The following DNAH6 variants were observed in gnomAD, a reference collection of about 807,000 sequenced individuals.
DNAH6 encodes the protein dynein axonemal heavy chain 6, also known as axonemal beta dynein heavy chain 6.
In DNAH6, 340 loss-of-function variants were observed where a neutral mutation model predicts 491.4. The ratio of observed to expected loss-of-function variants is 0.69; its 90% CI spans 0.63 to 0.76. DNAH6 has a LOEUF of 0.76. Ranked by LOEUF, DNAH6 falls within the 30% of genes least tolerant of loss-of-function variation. The probability of loss-of-function intolerance (pLI) is 0.00; values close to 1 mark genes in which losing one functional copy is unlikely to be tolerated. For missense variants in DNAH6, 4,443 were observed against 4,972.2 expected, an observed-to-expected ratio of 0.89 and a Z score of 3.20; for synonymous variants, 1,603 against 1,686.1, an observed-to-expected ratio of 0.95 and a Z score of 1.21.
chr2:84,670,839 G>C (rs969950874), intron 39 of DNAH6, among the ~76,000 whole-genome samples: 5 of 152,206 alleles, frequency 3.3e-5, no homozygotes, highest in African/African-American at 4.8e-5. Flanking sequence ...GTATGAGACT[G>C]TTTTGGTTTT....
chr2:84,702,503 A>G (rs1696007600), intron 49 of DNAH6, among the ~76,000 whole-genome samples: 1 of 151,188 alleles, frequency 6.6e-6, no homozygotes, highest in African/African-American at 2.4e-5. Flanking sequence ...TTGTGAAATA[A>G]CTTGACTGAT....
intron 39 of DNAH6, among the ~76,000 whole-genome samples, chr2:84,671,900 G>C (rs568493205): frequency 1.3e-5 from 2 of 152,288 alleles, no homozygotes; most frequent in African/African-American, 4.8e-5. Flanking sequence ...ATCTAATCTG[G>C]TTTCCCTGTG....
In DNAH6 at chr2:84,761,789, TACACACACACACACAC is replaced by T. The variant is rs35707461; in HGVS notation, c.10513-948_10513-933del. On this transcript the variant is annotated intron_variant, in intron 63 of 76. Transcript: ENST00000389394. ...ACAGCATTACATACACACACACACA[TACACACACACACACAC>T]ACACACACACACACACAGAATAAGG... is the stretch of plus-strand genomic sequence containing the variant. Among the ~76,000 whole-genome samples, 3 of 141,784 alleles carry T rather than the reference TACACACACACACACAC, an allele frequency of 2.1e-5. No individual in the cohort carries two copies. In the East Asian group the frequency reaches 6.4e-4, roughly 30 times the overall value. 93.0% of individuals were successfully genotyped at this position (141,784 alleles called of 152,430 possible).
At position 84,796,370 on chromosome 2, in the gene DNAH6, G is replaced by T; in HGVS notation, c.11304G>T (p.Leu3768Phe). 1 of 1,524,064 alleles carries T rather than the reference G, an allele frequency of 6.6e-7. No individual in the cohort carries two copies. Among genetic ancestry groups the T allele is most frequent in the South Asian group, 1.3e-5 (1 of 79,816 alleles). 94.4% of individuals were successfully genotyped at this position (1,524,064 alleles called of 1,614,324 possible). A position where few individuals can be genotyped will look rare whatever the true frequency, so the allele number is the denominator to read the frequency against. ...SWDQRCLRTI[L>F]KRFFSPETLE... ...ACCAAAGATGCCTTCGTACTATCTT[G>T]AAAAGATTTTTTTCTCCTGAAACAT... The change falls in exon 69 of 77, where the codon TTG (leucine) becomes TTT (phenylalanine). Residue 3768 changes from leucine (L) to phenylalanine (F), a missense_variant. Coordinates refer to ENST00000389394, the MANE Select transcript of DNAH6 (RefSeq NM_001370.2).
chr2:84,798,415 G>T (rs1678542392), intron 70 of DNAH6, among the ~76,000 whole-genome samples: 1 of 152,178 alleles, frequency 6.6e-6, no homozygotes, highest in African/African-American at 2.4e-5. Context: ...GGACTGGCAG[G>T]CAGAGCAGCC....
chr2:84,815,272 C>T (rs1680374502), intron 75 of DNAH6, among the ~76,000 whole-genome samples: 1 of 152,156 alleles, frequency 6.6e-6, no homozygotes, highest in Non-Finnish European at 1.5e-5. Flanking sequence ...ACAGCTTAGT[C>T]CTCTGCCTGC....
chr2:84,599,634 C>T (rs1030512645), intron 18 of DNAH6, among the ~76,000 whole-genome samples: 1 of 152,140 alleles, frequency 6.6e-6, no homozygotes, highest in Non-Finnish European at 1.5e-5. Context: ...GCACTCTTCT[C>T]CATTGACTCA....
Position 84,733,525 on chromosome 2 carries a change from GTTTTTCACGGAC to G in DNAH6, c.10291_10302del (p.Phe3431_Leu3434del). ...CTGTGACTTGGAAGAATCATTTCCA[GTTTTTCACGGAC>G]TTACCCAAAATATATTGTCACATCC... On this transcript the variant is annotated inframe_deletion, in exon 62 of 77. Coordinates refer to ENST00000389394, the MANE Select transcript of DNAH6 (RefSeq NM_001370.2). 6.4e-7 allele frequency: 1 copy of G among 1,551,608 alleles called. No individual in the cohort carries two copies.
chr2:84,500,133 A>G, the DNAH6 span, among the ~76,000 whole-genome samples: 1 of 152,192 alleles, frequency 6.6e-6, no homozygotes, highest in African/African-American at 2.4e-5. Flanking sequence ...GATTTTCCCC[A>G]ATGCTTTCTC....
chr2:84,775,802 A>G (rs1409492123), intron 64 of DNAH6, among the ~76,000 whole-genome samples: 3 of 152,074 alleles, frequency 2.0e-5, no homozygotes, highest in Non-Finnish European at 4.4e-5. Flanking sequence ...CAATGCATAG[A>G]GTTATTAATA....
chr2:84,559,214 A>T (rs1025034057), intron 11 of DNAH6, among the ~76,000 whole-genome samples: 2 of 152,206 alleles, frequency 1.3e-5, no homozygotes, highest in African/African-American at 4.8e-5. Flanking sequence ...AAATGATTTT[A>T]AAAAGTCCTG....
rs199554362 is a variant in DNAH6 at position 84,701,253 on chromosome 2, C to T, written c.7975C>T (p.Arg2659Trp). 1,155 of 1,551,720 alleles carry T rather than the reference C, an allele frequency of 7.4e-4. No individual in the cohort carries two copies. The highest frequency in any genetic ancestry group is 1.3e-3 in the Middle Eastern group (8 of 5,992). ...AERYYNELRR[R>W]YYTTPTSYLE... is the part of the protein sequence containing the mutation. ...GCGCTATTACAATGAGCTGCGCAGG[C>T]GGTACTACACGACACCCACCTCCTA... The change falls in exon 49 of 77, where the codon CGG becomes TGG. Residue 2659 changes from arginine to tryptophan, a missense_variant. By Grantham distance (101) the Arg-to-Trp change is moderately radical. Transcript: ENST00000389394.
chr2:84,740,060 T>C (rs902581932), intron 62 of DNAH6, among the ~76,000 whole-genome samples: 14 of 152,146 alleles, frequency 9.2e-5, no homozygotes, highest in East Asian at 3.9e-4. Flanking sequence ...GGCTTCTTGT[T>C]TATTCGTTTT....
At chr2:84,585,731 CT>C (rs1459393878) in intron 15 of DNAH6, among the ~76,000 whole-genome samples, 1 of 151,996 alleles carries the variant, frequency 6.6e-6, no homozygotes, top group Admixed American at 6.6e-5. Flanking sequence ...CTCTGCAGGT[CT>C]CTGAACCTCT....
intron 22 of DNAH6, among the ~76,000 whole-genome samples, chr2:84,613,336 C>A (rs1486665420): frequency 6.6e-6 from 1 of 152,042 alleles, no homozygotes; most frequent in Non-Finnish European, 1.5e-5. Flanking sequence ...TGCAAGGAAG[C>A]CAATGCGAGC....
At position 84,624,904 on chromosome 2, in the gene DNAH6, T is replaced by C; in HGVS notation, c.4356T>C (p.Asp1452=). 6.5e-7 allele frequency: 1 copy of C among 1,546,318 alleles called. No individual in the cohort carries two copies. The highest frequency in any genetic ancestry group is 8.7e-7 in the Non-Finnish European group (1 of 1,144,926). Residue 1452 remains aspartate, a splice_region_variant and synonymous_variant, in exon 29 of 77, where the codon GAT becomes GAC. Coordinates refer to ENST00000389394, the MANE Select transcript of DNAH6 (RefSeq NM_001370.2). ...TGATAATGCATTGCTTTCTTCAGGA[T>C]CGCTGCTATCTTTGCCTCATGGGAG... ...CPRLVITPLT[D]RCYLCLMGAL... is the part of the protein sequence containing the mutation.
intron 76 of DNAH6, among the ~76,000 whole-genome samples, chr2:84,818,834 G>A (rs1055720061): frequency 4.6e-5 from 7 of 152,220 alleles, no homozygotes; most frequent in Admixed American, 2.0e-4. Context: ...AGCACTTTGG[G>A]AGGCCAAGGC....
At chr2:84,534,511 A>G (rs1677491176) in intron 4 of DNAH6, among the ~76,000 whole-genome samples, 1 of 152,080 alleles carries the variant, frequency 6.6e-6, no homozygotes, top group Admixed American at 6.6e-5. Context: ...TTTCTAAGAC[A>G]AACTCAGTTT....
chr2:84,578,726 C>T (rs1682718020), intron 13 of DNAH6, among the ~76,000 whole-genome samples: 1 of 152,182 alleles, frequency 6.6e-6, no homozygotes, highest in Admixed American at 6.5e-5. Flanking sequence ...CAGAGGTTCA[C>T]ACTTGATATG....
Sources: gnomAD v4.1 joint callset for allele counts (sites outside exome capture counted in the v4.1 genomes callset) on GRCh38, gnomAD v4.1.1 for gene constraint, MANE v1.5 for transcripts, NCBI Gene and HGNC (gene_info 2026-07-23, HGNC 2026-07-21) for gene names.